The following SLC39A14 variants were observed in gnomAD, a reference collection of about 807,000 sequenced individuals.
The protein encoded by SLC39A14 is solute carrier family 39 member 14.
In SLC39A14, 19 loss-of-function variants were observed where a neutral mutation model predicts 45.5. The observed-to-expected ratio is 0.42, with a 90% CI of 0.29 to 0.61. SLC39A14 has a LOEUF of 0.61. Ranked by LOEUF, SLC39A14 falls within the 20% of genes least tolerant of loss-of-function variation. The probability of loss-of-function intolerance (pLI) is 0.22; values close to 1 mark genes in which losing one functional copy is unlikely to be tolerated. For missense variants in SLC39A14, 447 were observed against 616.5 expected, an observed-to-expected ratio of 0.73 and a Z score of 2.91; for synonymous variants, 264 against 251.3, an observed-to-expected ratio of 1.05 and a Z score of -0.48.
In SLC39A14 at chr8:22,416,119, G is replaced by A. The variant is rs767783966; in HGVS notation, c.986G>A (p.Arg329His). Reference protein sequence around the residue: ...QSACYWLKGVRYSDIGTLAWM... With the variant: ...QSACYWLKGVHYSDIGTLAWM... The stretch of plus-strand genomic sequence containing the variant: ...GCTTGCTACTGGCTGAAAGGTGTCC[G>A]CTACTCTGATATCGGCACTCTGGCC... The change falls in exon 7 of 9, where the codon CGC (arginine) becomes CAC (histidine). Residue 329 changes from arginine to histidine, a missense_variant. Physicochemically the swap from Arg to His is conservative, Grantham distance 29. Transcript: ENST00000381237. 9.9e-6 allele frequency: 16 copies of A among 1,613,996 alleles called. No homozygotes were observed. The highest frequency in any genetic ancestry group is 6.7e-5 in the East Asian group (3 of 44,884).
In SLC39A14 at chr8:22,421,020, C is replaced by T. The variant is rs1025827936; in HGVS notation, c.*1322C>T. 1 of 985,724 alleles carries T rather than the reference C, an allele frequency of 1.0e-6. No homozygotes were observed. The highest frequency in any genetic ancestry group is 1.7e-5 in the African/African-American group (1 of 57,222). 61.1% of individuals were successfully genotyped at this position (985,724 alleles called of 1,614,324 possible). ...GCCTTAGCCACTGTGGAGCCCTTGCCTCCGAGCTCTGGCTTCAAGGGGAGC... is the reference window on the plus strand; with the variant it reads ...GCCTTAGCCACTGTGGAGCCCTTGCTTCCGAGCTCTGGCTTCAAGGGGAGC... On this transcript the variant is annotated 3_prime_UTR_variant, in exon 9 of 9. Transcript: ENST00000381237.
chr8:22,411,990 C>T, intron 3 of SLC39A14, 47 bp from the exon 4 acceptor site: 3 of 1,518,266 alleles, frequency 2.0e-6, no homozygotes, highest in Non-Finnish European at 2.7e-6. Context: ...GGGCATGTGC[C>T]TTCTCTCCCT....
At chr8:22,368,945 C>G (rs1832791122) in intron 1 of SLC39A14, among the ~76,000 whole-genome samples, 1 of 152,110 alleles carries the variant, frequency 6.6e-6, no homozygotes, top group Admixed American at 6.5e-5. Context: ...AAGTCCAGAC[C>G]CCAGAGCCCC....
At position 22,432,057 on chromosome 8, in the gene SLC39A14, A is replaced by T. The variant is rs149158224; in HGVS notation, c.1333-1834A>T. On this transcript the variant is annotated intron_variant, in intron 8 of 8. Coordinates refer to the SLC39A14 transcript ENST00000240095. ...CCACTAAAAGAAAAGAGCAGCCGGC[A>T]CGGTGCCTCATGCCTCTAATCCCAA... is the stretch of plus-strand genomic sequence containing the variant. 4.4e-3 allele frequency among the ~76,000 whole-genome samples: 666 copies of T among 152,356 alleles called. 2 individuals carry two copies. Among genetic ancestry groups the T allele is most frequent in the African/African-American group, 0.014 (572 of 41,588 alleles).
At chr8:22,422,751 G>A (rs1008717675), downstream of SLC39A14, 3 of 978,968 alleles carry the variant, frequency 3.1e-6, no homozygotes, top group African/African-American at 5.3e-5. Flanking sequence ...AGGTGGCGAT[G>A]GTGTCTCACT....
chr8:22,418,129 C>G (rs1466844037), intron 8 of SLC39A14, among the ~76,000 whole-genome samples: 4 of 152,256 alleles, frequency 2.6e-5, no homozygotes, highest in African/African-American at 9.6e-5. Context: ...TCTCGAACTC[C>G]CGGCCTCAGG....
chr8:22,392,183 A>T (rs1322092564), intron 1 of SLC39A14, among the ~76,000 whole-genome samples: 1 of 152,176 alleles, frequency 6.6e-6, no homozygotes, highest in East Asian at 1.9e-4. Flanking sequence ...ATTGAACAGA[A>T]CCAGAATTCA....
rs199862979 is a variant in SLC39A14 at position 22,369,509 on chromosome 8, G to C, written c.-16+2101G>C. Among the ~76,000 whole-genome samples, 19 of 152,346 alleles carry C rather than the reference G, an allele frequency of 1.2e-4. No homozygotes were observed. In the East Asian group the frequency reaches 3.5e-3, roughly 28 times the overall value. ...GTGGCCACCATGGCGGGTGCACGCA[G>C]AAGGCCTGGCCCCCACCCTTCCAGT... On this transcript the variant is annotated intron_variant, in intron 1 of 8. Transcript: ENST00000381237.
chr8:22,409,960 T>G lies in SLC39A14; in HGVS notation c.457+1464T>G, dbSNP rs79856562. The stretch of plus-strand genomic sequence containing the variant: ...TTCCTCCACAGTGTGGGGCTTTGGT[T>G]TTCTCAGTGTCTCACTGATTAACCT... On this transcript the variant is annotated intron_variant, in intron 3 of 8. Coordinates refer to ENST00000381237, the MANE Select transcript of SLC39A14 (RefSeq NM_001128431.4). The G allele has an allele frequency of 1.2e-5, 20 of 1,613,886 alleles. No individual in the cohort carries two copies. The highest frequency in any genetic ancestry group is 1.4e-5 in the Non-Finnish European group (17 of 1,180,030).
At chr8:22,368,514 T>G (rs918528169) in intron 1 of SLC39A14, among the ~76,000 whole-genome samples, 3 of 122,186 alleles carry the variant, frequency 2.5e-5, no homozygotes, top group South Asian at 2.2e-4. Flanking sequence ...TTATTTTATT[T>G]TATTTTATTT....
intron 1 of SLC39A14, among the ~76,000 whole-genome samples, chr8:22,374,638 C>T (rs962579079): frequency 6.6e-6 from 1 of 151,282 alleles, no homozygotes; most frequent in Non-Finnish European, 1.5e-5. Context: ...TTGAATGGCT[C>T]GGGTGTCTAA....
chr8:22,411,178 C>A (rs7814612), intron 3 of SLC39A14, among the ~76,000 whole-genome samples: 2 of 152,048 alleles, frequency 1.3e-5, no homozygotes, highest in Non-Finnish European at 2.9e-5. Flanking sequence ...CTTGTGACCT[C>A]CTGGAATGGA....
rs896375 is a variant in SLC39A14, at chr8:22,404,585, A to G, written c.-15-111A>G. 493,661 of 994,824 alleles carry G rather than the reference A, an allele frequency of 0.5. 126,781 individuals carry two copies. The highest frequency in any genetic ancestry group is 0.76 in the African/African-American group (45,818 of 60,602). 61.6% of individuals were successfully genotyped at this position (994,824 alleles called of 1,614,324 possible). ...AGGCTAATTCAAGAAGGAGCAGAGA[A>G]GCAGAGACTGAGGGATAGTCTCAAC... On this transcript the variant is annotated intron_variant, in intron 1 of 8. Transcript: ENST00000381237.
At chr8:22,410,899 C>T (rs1375371004) in intron 3 of SLC39A14, among the ~76,000 whole-genome samples, 3 of 152,184 alleles carry the variant, frequency 2.0e-5, no homozygotes, top group Non-Finnish European at 4.4e-5. Flanking sequence ...TGGTTGACCC[C>T]ATTAGGGAGT....
chr8:22,395,883 C>G (rs545836012), intron 1 of SLC39A14, among the ~76,000 whole-genome samples: 3 of 152,110 alleles, frequency 2.0e-5, no homozygotes, highest in Admixed American at 6.5e-5. Context: ...AAGGAACTTT[C>G]CTCTCCAGGT....
Position 22,417,671 on chromosome 8 carries a change from A to C in SLC39A14, c.1168A>C (p.Asn390His), listed in dbSNP as rs1835969410. The C allele has an allele frequency of 6.2e-7, 1 of 1,613,608 alleles. No individual in the cohort carries two copies. Among genetic ancestry groups the C allele is most frequent in the African/African-American group, 1.3e-5 (1 of 74,866 alleles). ...HELGDFVILLNAGMSIQQALF... is the reference protein window; with the variant it reads ...HELGDFVILLHAGMSIQQALF... ...TGTAGGAGACTTTGTCATCCTGCTC[A>C]ACGCTGGGATGAGCATCCAACAAGC... Residue 390 changes from asparagine to histidine, a missense_variant, in exon 8 of 9, where the codon AAC (asparagine) becomes CAC (histidine). By Grantham distance (68) the Asn-to-His change is moderately conservative (BLOSUM62 1). Coordinates refer to ENST00000381237, the MANE Select transcript of SLC39A14 (RefSeq NM_001128431.4).
At chr8:22,391,124 C>T (rs999948792) in intron 1 of SLC39A14, among the ~76,000 whole-genome samples, 6 of 152,194 alleles carry the variant, frequency 3.9e-5, no homozygotes, top group African/African-American at 7.2e-5. Context: ...TTCAGCTCTT[C>T]GAAGGAGCCT....
chr8:22,401,543 C>CTTTCTTTTT (rs1834859436), intron 1 of SLC39A14, among the ~76,000 whole-genome samples: 2 of 84,054 alleles, frequency 2.4e-5, no homozygotes, highest in Non-Finnish European at 4.0e-5. Context: ...TCTTCTCTTT[C>CTTTCTTTTT]TTTTTTTTTT....
At position 22,416,226 on chromosome 8, in the gene SLC39A14, C is replaced by T; in HGVS notation, c.1093C>T (p.Gln365Ter). 6.2e-7 allele frequency: 1 copy of T among 1,613,658 alleles called. No homozygotes were observed. The highest frequency in any genetic ancestry group is 8.5e-7 in the Non-Finnish European group (1 of 1,179,996). ...IGASFTVSVF[Q>*]GISTSVAILC... is the part of the protein sequence containing the mutation. ...TGCTTCCTTCACTGTGTCAGTTTTCCAAGGCATCAGCACCTCGGTGGCCAT... is the reference window on the plus strand; with the variant it reads ...TGCTTCCTTCACTGTGTCAGTTTTCTAAGGCATCAGCACCTCGGTGGCCAT... Residue 365 changes from glutamine to a stop codon, truncating the protein, a stop_gained, in exon 7 of 9, where the codon CAA becomes TAA. Transcript: ENST00000381237. LOFTEE classifies it high-confidence loss of function.
Sources: gnomAD v4.1 joint callset for allele counts (sites outside exome capture counted in the v4.1 genomes callset) on GRCh38, gnomAD v4.1.1 for gene constraint, MANE v1.5 for transcripts, NCBI Gene and HGNC (gene_info 2026-07-23, HGNC 2026-07-21) for gene names.